The following RBFOX1 variants were observed in gnomAD, a reference collection of about 807,000 sequenced individuals.
RBFOX1 encodes the protein RNA binding protein fox-1 homolog 1.
In RBFOX1, 8 loss-of-function variants were observed where a neutral mutation model predicts 57.7. The observed-to-expected ratio is 0.14, with a 90% CI of 0.08 to 0.25. The LOEUF (loss-of-function observed/expected upper bound fraction) is 0.25. Ranked by LOEUF, RBFOX1 falls within the 10% of genes least tolerant of loss-of-function variation. RBFOX1 has a pLI of 1.00. For synonymous variants in RBFOX1, 326 were observed against 222.4 expected (o/e 1.47, Z -4.15); for missense variants, 611 against 548.5 (o/e 1.11, Z -1.14).
intron 14 of RBFOX1, among the ~76,000 whole-genome samples, chr16:7,692,489 A>ATGG (rs2077563252): frequency 3.9e-5 from 6 of 152,294 alleles, no homozygotes; most frequent in Non-Finnish European, 5.9e-5. Flanking sequence ...ATCCATAAGC[A>ATGG]TAATAAAAAT....
intron 2 of RBFOX1, among the ~76,000 whole-genome samples, chr16:6,371,566 C>T (rs1010672914): frequency 2.0e-5 from 3 of 152,038 alleles, no homozygotes; most frequent in South Asian, 2.1e-4. Flanking sequence ...TATTCCTTGG[C>T]ACCAGAAGAT....
intron 1 of RBFOX1, among the ~76,000 whole-genome samples, chr16:6,067,827 A>T (rs903120159): frequency 2.0e-5 from 3 of 152,234 alleles, no homozygotes; most frequent in African/African-American, 7.2e-5. Context: ...GTTTAATTAT[A>T]CCAGCCCACT....
chr16:6,639,691 A>T (rs1602343300), intron 2 of RBFOX1, among the ~76,000 whole-genome samples: 1 of 152,286 alleles, frequency 6.6e-6, no homozygotes, highest in East Asian at 1.9e-4. Context: ...CCTGGCTAAC[A>T]TGATGAAACC....
chr16:5,338,775 G>A (rs372872680), intron 1 of RBFOX1, among the ~76,000 whole-genome samples: 5 of 152,246 alleles, frequency 3.3e-5, no homozygotes, highest in African/African-American at 1.2e-4. Context: ...CCCCACTTTA[G>A]CCTCCTGAGT....
chr16:6,907,449 C>T (rs779429605), intron 3 of RBFOX1, among the ~76,000 whole-genome samples: 13 of 152,254 alleles, frequency 8.5e-5, no homozygotes, highest in East Asian at 1.9e-4. Flanking sequence ...AGGAATTGAT[C>T]GTCTTGTGTT....
chr16:6,713,807 G>C (rs2064200353), intron 3 of RBFOX1, among the ~76,000 whole-genome samples: 1 of 152,136 alleles, frequency 6.6e-6, no homozygotes, highest in African/African-American at 2.4e-5. Context: ...TTCTGGAAAA[G>C]CTTTTTTAGA....
At chr16:6,999,383 A>G (rs1218611829) in intron 3 of RBFOX1, among the ~76,000 whole-genome samples, 2 of 151,290 alleles carry the variant, frequency 1.3e-5, no homozygotes, top group African/African-American at 4.9e-5. Context: ...CTCCAGATTC[A>G]TTGGTGGACC....
Position 6,597,452 on chromosome 16 carries a change from T to C in RBFOX1, c.-63-57151T>C, listed in dbSNP as rs369485618. 3.3e-5 allele frequency among the ~76,000 whole-genome samples: 5 copies of C among 152,062 alleles called. No individual in the cohort carries two copies. In the East Asian group the frequency reaches 9.7e-4, roughly 30 times the overall value. On this transcript the variant is annotated intron_variant, in intron 2 of 15. Coordinates refer to ENST00000550418, the MANE Select transcript of RBFOX1 (RefSeq NM_018723.4). The stretch of plus-strand genomic sequence containing the variant: ...ACTTTGGGAGGCCGAGGTGGGCGGA[T>C]CACAAGGTCAGGAGTTTGAGACCAC...
At chr16:5,519,909 C>T (rs2043945613) in intron 2 of RBFOX1, among the ~76,000 whole-genome samples, 1 of 152,186 alleles carries the variant, frequency 6.6e-6, no homozygotes, top group African/African-American at 2.4e-5. Context: ...ATACTTGAAG[C>T]CATTTACTGT....
At chr16:6,786,733 T>C (rs2082027613) in intron 3 of RBFOX1, among the ~76,000 whole-genome samples, 2 of 152,120 alleles carry the variant, frequency 1.3e-5, no homozygotes, top group Non-Finnish European at 2.9e-5. Context: ...TCTAGCTCTT[T>C]CCTTAAACAG....
intron 3 of RBFOX1, among the ~76,000 whole-genome samples, chr16:5,820,727 GA>G (rs931103571): frequency 2.0e-5 from 3 of 152,148 alleles, no homozygotes; most frequent in African/African-American, 7.2e-5. Flanking sequence ...CGTCCTGAGT[GA>G]CACCGTTCCC....
chr16:6,959,140 T>C (rs2082428414), intron 3 of RBFOX1, among the ~76,000 whole-genome samples: 1 of 152,176 alleles, frequency 6.6e-6, no homozygotes, highest in South Asian at 2.1e-4. Context: ...AAATCCACTT[T>C]TTCAGACTAC....
At chr16:6,658,575 C>A (rs1216761808) in intron 3 of RBFOX1, among the ~76,000 whole-genome samples, 1 of 152,172 alleles carries the variant, frequency 6.6e-6, no homozygotes, top group Non-Finnish European at 1.5e-5. Flanking sequence ...TGGGCTCGAT[C>A]TGAGACTCTT....
intron 1 of RBFOX1, among the ~76,000 whole-genome samples, chr16:5,409,746 T>G (rs528796584): frequency 6.6e-6 from 1 of 152,164 alleles, no homozygotes; most frequent in African/African-American, 2.4e-5. Context: ...TATTCCAGTC[T>G]CTTAAAAATC....
chr16:6,824,983 G>GTTTTTTGTTTTT (rs2091915909), intron 3 of RBFOX1, among the ~76,000 whole-genome samples: 6 of 36,876 alleles, frequency 1.6e-4, no homozygotes, highest in Non-Finnish European at 3.5e-4. Context: ...TTCTTTCTTG[G>GTTTTTTGTTTTT]TTTTTTTTTT....
intron 3 of RBFOX1, among the ~76,000 whole-genome samples, chr16:6,969,428 G>T (rs925779664): frequency 6.7e-5 from 10 of 150,356 alleles, no homozygotes; most frequent in Non-Finnish European, 1.2e-4. Context: ...TTGTGATTTT[G>T]TACAACATTA....
intron 3 of RBFOX1, among the ~76,000 whole-genome samples, chr16:5,733,984 G>T (rs977671178): frequency 1.3e-5 from 2 of 151,956 alleles, no homozygotes; most frequent in African/African-American, 4.8e-5. Flanking sequence ...CTGATGACTG[G>T]GCACGTGTTA....
chr16:6,396,431 CATAG>C (rs2092837902), intron 2 of RBFOX1, among the ~76,000 whole-genome samples: 1 of 152,116 alleles, frequency 6.6e-6, no homozygotes, highest in African/African-American at 2.4e-5. Context: ...ATGAAAGACA[CATAG>C]ATAGACTAGG....
At position 6,514,741 on chromosome 16, in the gene RBFOX1, T is replaced by G. The variant is rs1326037069; in HGVS notation, c.-63-139862T>G. Among the ~76,000 whole-genome samples the G allele has an allele frequency of 2.6e-5, 4 of 152,008 alleles. No individual in the cohort carries two copies. In the East Asian group the frequency reaches 7.7e-4, roughly 29 times the overall value. On this transcript the variant is annotated intron_variant, in intron 2 of 15. Coordinates refer to ENST00000550418, the MANE Select transcript of RBFOX1 (RefSeq NM_018723.4). ...ATGAAGTTTCTAGTAATAATGGTAA[T>G]TATTCTTATTGTAATAAGGAGGAAG... is the stretch of plus-strand genomic sequence containing the variant.
Sources: allele counts gnomAD v4.1 joint callset (sites outside exome capture counted in the v4.1 genomes callset), GRCh38; gene constraint gnomAD v4.1.1; transcripts MANE v1.5; gene names NCBI Gene and HGNC (gene_info 2026-07-23, HGNC 2026-07-21).